The following FBXW7 variants were observed in gnomAD, a reference collection of about 807,000 sequenced individuals.
The protein encoded by FBXW7 is F-box and WD repeat domain containing 7.
A neutral mutation model predicts 86.3 loss-of-function variants in FBXW7; 11 were observed. The observed-to-expected ratio is 0.13, with a 90% CI of 0.08 to 0.21. FBXW7 has a LOEUF of 0.21. Ranked by LOEUF, FBXW7 falls within the 10% of genes least tolerant of loss-of-function variation. FBXW7 has a pLI of 1.00. For missense variants in FBXW7, 488 were observed against 847.4 expected (o/e 0.58, Z 5.27); for synonymous variants, 313 against 297.9 (o/e 1.05, Z -0.52).
intron 2 of FBXW7, among the ~76,000 whole-genome samples, chr4:152,428,184 A>C (rs1739551888): frequency 6.6e-6 from 1 of 152,276 alleles, no homozygotes; most frequent in East Asian, 1.9e-4. Flanking sequence ...CTGACACCAT[A>C]CTAAACTCAT....
chr4:152,342,525 T>C (rs1348826385), intron 6 of FBXW7, among the ~76,000 whole-genome samples: 1 of 152,214 alleles, frequency 6.6e-6, no homozygotes, highest in Admixed American at 6.5e-5. Context: ...CAAAGCAGCA[T>C]TTGGGAACCA....
intron 2 of FBXW7, among the ~76,000 whole-genome samples, chr4:152,447,313 G>T (rs957311711): frequency 2.6e-5 from 4 of 152,208 alleles, no homozygotes; most frequent in Admixed American, 6.5e-5. Flanking sequence ...AACAGGGAAT[G>T]ATAAAGAATT....
At chr4:152,327,399 T>C (rs939400088) in intron 11 of FBXW7, among the ~76,000 whole-genome samples, 1 of 152,078 alleles carries the variant, frequency 6.6e-6, no homozygotes, top group Non-Finnish European at 1.5e-5. Flanking sequence ...ATGGATTCAC[T>C]GTAAGGACCT....
chr4:152,356,485 A>G (rs952396704), intron 4 of FBXW7, among the ~76,000 whole-genome samples: 4 of 152,160 alleles, frequency 2.6e-5, no homozygotes, highest in Admixed American at 6.6e-5. Flanking sequence ...TTATATTCCT[A>G]TGTCAGTGAT....
At chr4:152,514,442 C>T (rs1052995935) in intron 2 of FBXW7, among the ~76,000 whole-genome samples, 2 of 152,236 alleles carry the variant, frequency 1.3e-5, no homozygotes, top group South Asian at 4.1e-4. Flanking sequence ...CTGAGATTCT[C>T]AGGGGTGGGG....
chr4:152,505,027 C>A (rs1747283712), intron 2 of FBXW7, among the ~76,000 whole-genome samples: 2 of 152,180 alleles, frequency 1.3e-5, no homozygotes, highest in Non-Finnish European at 2.9e-5. Context: ...GTGAATATTA[C>A]ACAGTGCTTT....
At chr4:152,401,812 T>G (rs185039233) in intron 4 of FBXW7, among the ~76,000 whole-genome samples, 67 of 152,320 alleles carry the variant, frequency 4.4e-4, no homozygotes, top group Non-Finnish European at 7.8e-4. Context: ...CATTCAACTT[T>G]GCTGTGAATC....
intron 6 of FBXW7, among the ~76,000 whole-genome samples, chr4:152,339,953 T>A (rs1346918365): frequency 2.0e-5 from 3 of 146,496 alleles, no homozygotes; most frequent in African/African-American, 7.6e-5. Context: ...AGCTAATATA[T>A]GAGACATATC....
chr4:152,361,497 G>A (rs965793368), intron 4 of FBXW7, among the ~76,000 whole-genome samples: 1 of 152,084 alleles, frequency 6.6e-6, no homozygotes, highest in Admixed American at 6.6e-5. Context: ...ACTTGAAAAG[G>A]TATCTGAATG....
chr4:152,356,099 C>G (rs952344593), intron 4 of FBXW7, among the ~76,000 whole-genome samples: 9 of 151,866 alleles, frequency 5.9e-5, no homozygotes, highest in Non-Finnish European at 1.0e-4. Flanking sequence ...CCTTGACTCT[C>G]AAGAGTTCAT....
chr4:152,354,708 T>C (rs1457216125), intron 4 of FBXW7, among the ~76,000 whole-genome samples: 1 of 152,138 alleles, frequency 6.6e-6, no homozygotes, highest in Non-Finnish European at 1.5e-5. Context: ...ACTGCTCCCA[T>C]GGTTATATGG....
At chr4:152,428,944 C>A (rs543815706) in intron 2 of FBXW7, among the ~76,000 whole-genome samples, 2 of 152,272 alleles carry the variant, frequency 1.3e-5, no homozygotes, top group South Asian at 4.1e-4. Flanking sequence ...AATCCCAGCA[C>A]TTTGGGAGGC....
At chr4:152,347,142 A>C in intron 5 of FBXW7, 71 bp from the exon 6 acceptor site, 1 of 1,256,224 alleles carries the variant, frequency 8.0e-7, no homozygotes, top group Non-Finnish European at 1.1e-6. Context: ...AAAGATAGAT[A>C]CTTATTAATA....
intron 12 of FBXW7, 39 bp from the exon 13 acceptor site, chr4:152,324,433 ACTC>A (rs1728819842): frequency 1.4e-6 from 2 of 1,476,012 alleles, no homozygotes; most frequent in South Asian, 2.4e-5. Flanking sequence ...AAGTATGGAT[ACTC>A]TTCCTATCAA....
At chr4:152,327,971 G>A (rs1249610835) in intron 11 of FBXW7, among the ~76,000 whole-genome samples, 2 of 151,886 alleles carry the variant, frequency 1.3e-5, no homozygotes, top group African/African-American at 4.8e-5. Flanking sequence ...AGATTAGAGA[G>A]TAGAGAGTTT....
At chr4:152,475,591 A>T (rs76902684) in intron 2 of FBXW7, among the ~76,000 whole-genome samples, 2,085 of 152,380 alleles carry the variant, frequency 0.014, 25 homozygotes, top group Middle Eastern at 0.037. Context: ...TTTGTAAAAC[A>T]GCCTTTATTC....
chr4:152,502,254 T>C (rs1459288083), intron 2 of FBXW7, among the ~76,000 whole-genome samples: 2 of 152,190 alleles, frequency 1.3e-5, no homozygotes, highest in Non-Finnish European at 2.9e-5. Flanking sequence ...TGAAGCTGTG[T>C]AAAATGTCCT....
At chr4:152,377,300 T>G (rs1453362071) in intron 4 of FBXW7, among the ~76,000 whole-genome samples, 1 of 152,146 alleles carries the variant, frequency 6.6e-6, no homozygotes, top group African/African-American at 2.4e-5. Flanking sequence ...TTACATTGTT[T>G]CATTAACATT....
rs971026694 is a variant in FBXW7 at position 152,411,828 on chromosome 4, T to C, written c.-25A>G. On this transcript the variant is annotated 5_prime_UTR_variant, in exon 4 of 14. Coordinates refer to ENST00000281708, the MANE Select transcript of FBXW7 (RefSeq NM_001349798.2). ...TTTCCAAAAGCCAGCTTGCTACTTCTTGGACCTTGGCTAGACTATCAGAAG... is the reference window on the plus strand; with the variant it reads ...TTTCCAAAAGCCAGCTTGCTACTTCCTGGACCTTGGCTAGACTATCAGAAG... 3 of 1,578,636 alleles carry C rather than the reference T, an allele frequency of 1.9e-6. No homozygotes were observed. The highest frequency in any genetic ancestry group is 2.3e-5 in the East Asian group (1 of 44,182).
Sources: allele counts gnomAD v4.1 joint callset (sites outside exome capture counted in the v4.1 genomes callset), GRCh38; gene constraint gnomAD v4.1.1; transcripts MANE v1.5; gene names NCBI Gene and HGNC (gene_info 2026-07-23, HGNC 2026-07-21).